Variants in SLC2A1 observed in about 807,000 individuals in gnomAD.
SLC2A1 encodes solute carrier family 2 member 1, also known as solute carrier family 2, facilitated glucose transporter member 1.
A neutral mutation model predicts 46.6 loss-of-function variants in SLC2A1; 4 were observed. The observed-to-expected ratio is 0.09, with a 90% CI of 0.04 to 0.20. SLC2A1 has a LOEUF of 0.20. Among genes scored for constraint, SLC2A1 ranks in the 10% least tolerant of loss-of-function variants. The pLI, the probability that SLC2A1 is intolerant of heterozygous loss-of-function variation, is 1.00. For missense variants in SLC2A1, 352 were observed against 667.0 expected (o/e 0.53, Z 5.20); for synonymous variants, 253 against 270.0 (o/e 0.94, Z 0.62).
In SLC2A1 at chr1:42,925,975, A is replaced by G. The variant is rs1247510127; in HGVS notation, c.*1066T>C. 2.0e-5 allele frequency: 3 copies of G among 152,318 alleles called. No homozygotes were observed. Among genetic ancestry groups the G allele is most frequent in the Non-Finnish European group, 2.9e-5 (2 of 68,044 alleles). 9.4% of individuals were successfully genotyped at this position (152,318 alleles called of 1,614,324 possible). A position where few individuals can be genotyped will look rare whatever the true frequency, so the allele number is the denominator to read the frequency against. ...GAATGTCAAGATAAAGAATGTATATATTCTCTGGGTAACAGGGATCAAACA... is the reference window on the plus strand; with the variant it reads ...GAATGTCAAGATAAAGAATGTATATGTTCTCTGGGTAACAGGGATCAAACA... On this transcript the variant is annotated 3_prime_UTR_variant, in exon 10 of 10. Coordinates refer to ENST00000426263, the MANE Select transcript of SLC2A1 (RefSeq NM_006516.4).
At chr1:42,948,451 T>G (rs962271964) in intron 1 of SLC2A1, among the ~76,000 whole-genome samples, 2 of 152,302 alleles carry the variant, frequency 1.3e-5, no homozygotes, top group Non-Finnish European at 2.9e-5. Flanking sequence ...CATCTTGTCC[T>G]CTTCCCACAG....
intron 1 of SLC2A1, among the ~76,000 whole-genome samples, chr1:42,947,886 A>G (rs929516301): frequency 3.9e-5 from 6 of 152,098 alleles, no homozygotes; most frequent in Non-Finnish European, 7.4e-5. Context: ...ATCCTTAGCC[A>G]TTTATCAAAC....
At chr1:42,946,867 G>A (rs1024723518) in intron 1 of SLC2A1, among the ~76,000 whole-genome samples, 4 of 152,180 alleles carry the variant, frequency 2.6e-5, no homozygotes, top group Non-Finnish European at 5.9e-5. Flanking sequence ...GCAGACCCAC[G>A]TTTAAATGCA....
intron 2 of SLC2A1, among the ~76,000 whole-genome samples, chr1:42,938,251 G>C (rs912737767): frequency 2.0e-5 from 3 of 152,180 alleles, no homozygotes; most frequent in African/African-American, 7.2e-5. Flanking sequence ...CCTCCTCCAG[G>C]AGGGGATGCA....
Position 42,929,372 on chromosome 1 carries a change from C to G in SLC2A1, c.868-58G>C. On this transcript the variant is annotated intron_variant, in intron 6 of 9. Transcript: ENST00000426263. The surrounding 1 kb of genome is among the most constrained non-coding windows in gnomAD (Gnocchi z 6.0). The stretch of plus-strand genomic sequence containing the variant: ...TGGACATTGTGGCCCTTCCCTGCCT[C>G]TGTAGCAGTGGATGTGGGACCCAGG... The G allele has an allele frequency of 7.1e-7, 1 of 1,399,996 alleles. No individual in the cohort carries two copies. The highest frequency in any genetic ancestry group is 1.0e-6 in the Non-Finnish European group (1 of 1,002,546). The allele number at this position is 1,399,996 out of a possible 1,614,324, so 86.7% of individuals were successfully genotyped here.
chr1:42,942,760 G>A (rs545209177), intron 2 of SLC2A1, among the ~76,000 whole-genome samples: 4 of 152,050 alleles, frequency 2.6e-5, no homozygotes, highest in South Asian at 2.1e-4. Context: ...GATATTGGGC[G>A]GGTTTCCTCT....
At chr1:42,947,037 C>T (rs1264453366) in intron 1 of SLC2A1, among the ~76,000 whole-genome samples, 1 of 152,230 alleles carries the variant, frequency 6.6e-6, no homozygotes, top group Non-Finnish European at 1.5e-5. Flanking sequence ...ATTCCCTCCA[C>T]AAGTGTTTGC....
At chr1:42,948,066 C>T (rs1450840639) in intron 1 of SLC2A1, among the ~76,000 whole-genome samples, 1 of 152,154 alleles carries the variant, frequency 6.6e-6, no homozygotes, top group African/African-American at 2.4e-5. Flanking sequence ...TGGCCAGCAA[C>T]TGGGCTCAGG....
At position 42,927,289 on chromosome 1, in the gene SLC2A1, T is replaced by A; in HGVS notation, c.1279-48A>T. The A allele has an allele frequency of 6.5e-7, 1 of 1,550,332 alleles. No homozygotes were observed. The highest frequency in any genetic ancestry group is 8.9e-7 in the Non-Finnish European group (1 of 1,123,104). On this transcript the variant is annotated intron_variant, in intron 9 of 9. Coordinates refer to ENST00000426263, the MANE Select transcript of SLC2A1 (RefSeq NM_006516.4). The surrounding 1 kb of genome is among the most constrained non-coding windows in gnomAD (Gnocchi z 5.3). ...TGGTTGGAGTCATGACCCTACATCC[T>A]GGCTGTAGGACTTTGGATAAGTCAC... is the stretch of plus-strand genomic sequence containing the variant.
At chr1:42,950,440 T>C (rs1643708270) in intron 1 of SLC2A1, among the ~76,000 whole-genome samples, 1 of 152,146 alleles carries the variant, frequency 6.6e-6, no homozygotes, top group African/African-American at 2.4e-5. Flanking sequence ...ACCGAAAAGG[T>C]ATGCATCCTA....
rs142471809 is a variant in SLC2A1, at chr1:42,937,330, G to C, written c.114+5896C>G. On this transcript the variant is annotated intron_variant, in intron 2 of 9. Coordinates refer to ENST00000426263, the MANE Select transcript of SLC2A1 (RefSeq NM_006516.4). ...AGCCATGAATCTAACTGAAGGGCTT[G>C]AGGGGTGATGTGATATGACAGGGTG... Among the ~76,000 whole-genome samples, 171 of 152,342 alleles carry C rather than the reference G, an allele frequency of 1.1e-3. 1 individual carries two copies. In the East Asian group the frequency reaches 0.031, roughly 28 times the overall value.
At position 42,929,240 on chromosome 1, in the gene SLC2A1, A is replaced by G; in HGVS notation, c.942T>C (p.Gly314=). The change falls in exon 7 of 10, where the codon GGT becomes GGC. Residue 314 remains glycine (G), a synonymous_variant. Transcript: ENST00000426263. The surrounding 1 kb of genome is among the most constrained non-coding windows in gnomAD (Gnocchi z 6.0). ...CGACAGTGAAGGCCGTGTTGACGAT[A>G]CCGGAGCCAATGGTGGCATACACAG... ...QQPVYATIGS[G]IVNTAFTVVS... is the part of the protein sequence containing the mutation. 2 of 1,614,104 alleles carry G rather than the reference A, an allele frequency of 1.2e-6. No individual in the cohort carries two copies. The highest frequency in any genetic ancestry group is 1.7e-6 in the Non-Finnish European group (2 of 1,179,972).
intron 1 of SLC2A1, among the ~76,000 whole-genome samples, chr1:42,958,425 C>T (rs1354272852): frequency 6.6e-6 from 1 of 150,588 alleles, no homozygotes; most frequent in Non-Finnish European, 1.5e-5. Context: ...GCCCTCCGGC[C>T]CGCTAGATCC....
At chr1:42,946,287 A>G (rs1485795374) in intron 1 of SLC2A1, among the ~76,000 whole-genome samples, 1 of 152,188 alleles carries the variant, frequency 6.6e-6, no homozygotes, top group Admixed American at 6.5e-5. Context: ...GGTCATATCC[A>G]CATCCACCCA....
In SLC2A1 at chr1:42,929,543, T is replaced by C; in HGVS notation, c.867+50A>G. ...TTGGGACTTGTTCACCATGCACACT[T>C]GACCAGAGGGCTTGGCTGGGGCACA... On this transcript the variant is annotated intron_variant, in intron 6 of 9. Coordinates refer to ENST00000426263, the MANE Select transcript of SLC2A1 (RefSeq NM_006516.4). The surrounding 1 kb of genome is among the most constrained non-coding windows in gnomAD (Gnocchi z 6.0). The C allele has an allele frequency of 1.3e-6, 2 of 1,550,282 alleles. No individual in the cohort carries two copies. Among genetic ancestry groups the C allele is most frequent in the Non-Finnish European group, 1.8e-6 (2 of 1,125,832 alleles).
chr1:42,943,445 T>C (rs1643618873), intron 1 of SLC2A1, 124 bp from the exon 2 acceptor site: 1 of 784,814 alleles, frequency 1.3e-6, no homozygotes, highest in Admixed American at 2.0e-5. Context: ...ACACCAGTCT[T>C]TCTCCCAGGA....
chr1:42,949,416 C>T (rs916594536), intron 1 of SLC2A1, among the ~76,000 whole-genome samples: 2 of 152,172 alleles, frequency 1.3e-5, no homozygotes, highest in Admixed American at 1.3e-4. Flanking sequence ...TGTTTGGTTT[C>T]CTAGCCTGGC....
Position 42,926,696 on chromosome 1 carries a change from G to A in SLC2A1, c.*345C>T, listed in dbSNP as rs547016273. ...GCTGGGTGAAGAAGGCAAGTGTCTC[G>A]ACAGGGCTTAGTCTCCACCCTCAGG... On this transcript the variant is annotated 3_prime_UTR_variant, in exon 10 of 10. Transcript: ENST00000426263. 4 of 1,338,392 alleles carry A rather than the reference G, an allele frequency of 3.0e-6. No individual in the cohort carries two copies. Among genetic ancestry groups the A allele is most frequent in the South Asian group, 2.5e-5 (2 of 81,468 alleles). 82.9% of individuals were successfully genotyped at this position (1,338,392 alleles called of 1,614,324 possible). A position where few individuals can be genotyped will look rare whatever the true frequency, so the allele number is the denominator to read the frequency against.
chr1:42,952,809 AAG>A (rs1643735952), intron 1 of SLC2A1, among the ~76,000 whole-genome samples: 1 of 152,334 alleles, frequency 6.6e-6, no homozygotes, highest in East Asian at 1.9e-4. Flanking sequence ...CCTCCAGCCC[AAG>A]AGAGTCCACC....
Sources: gnomAD v4.1 joint callset for allele counts (sites outside exome capture counted in the v4.1 genomes callset) on GRCh38, gnomAD v4.1.1 for gene constraint, Gnocchi (gnomAD v3.1) non-coding constraint, MANE v1.5 for transcripts, NCBI Gene and HGNC (gene_info 2026-07-23, HGNC 2026-07-21) for gene names.